FGF14: variants seen among roughly 807,000 people sequenced by gnomAD.
The protein encoded by FGF14 is fibroblast growth factor homologous factor 4.
Under a neutral mutation model 25.5 loss-of-function variants are expected in FGF14, and 5 were observed. That is an observed-to-expected ratio of 0.20 (90% CI 0.10 to 0.41). The LOEUF is 0.41. Ranked by LOEUF, FGF14 falls within the 10% of genes least tolerant of loss-of-function variation. FGF14 has a pLI of 1.00. For missense variants in FGF14, 222 were observed against 320.1 expected (o/e 0.69, Z 2.34); for synonymous variants, 138 against 118.3 (o/e 1.17, Z -1.08).
intron 1 of FGF14, among the ~76,000 whole-genome samples, chr13:102,075,316 T>C (rs1027135150): frequency 6.6e-6 from 1 of 152,164 alleles, no homozygotes; most frequent in Non-Finnish European, 1.5e-5. Context: ...CAATTCTGCT[T>C]ACAATAGCTA....
At chr13:102,276,353 G>GTATATATATATA (rs10574334) in intron 1 of FGF14, among the ~76,000 whole-genome samples, 1 of 103,296 alleles carries the variant, frequency 9.7e-6, no homozygotes, top group African/African-American at 3.8e-5. Flanking sequence ...GTGTGTGTGT[G>GTATATATATATA]TATATATATA....
intron 3 of FGF14, among the ~76,000 whole-genome samples, chr13:101,864,581 C>T (rs1373169778): frequency 3.3e-5 from 5 of 152,002 alleles, no homozygotes; most frequent in Non-Finnish European, 4.4e-5. Context: ...CCAGGTGATT[C>T]GCGTGAGCCC....
At chr13:102,249,549 G>GGTGTGT (rs55773652) in intron 1 of FGF14, among the ~76,000 whole-genome samples, 6,355 of 150,360 alleles carry the variant, frequency 0.042, 396 homozygotes, top group African/African-American at 0.14. Context: ...TACTGAGAGG[G>GGTGTGT]GTGTGTGTGT....
intron 1 of FGF14, among the ~76,000 whole-genome samples, chr13:102,274,989 T>C (rs2053438978): frequency 6.6e-6 from 1 of 152,118 alleles, no homozygotes; most frequent in South Asian, 2.1e-4. Flanking sequence ...AACTCATAAG[T>C]ATCTATAAAA....
chr13:101,887,938 G>C (rs1311441249), intron 1 of FGF14, among the ~76,000 whole-genome samples: 1 of 152,188 alleles, frequency 6.6e-6, no homozygotes, highest in East Asian at 1.9e-4. Context: ...TTTTAATCCA[G>C]GTGGTTAGTG....
chr13:101,998,923 T>G (rs2039332056), intron 1 of FGF14, among the ~76,000 whole-genome samples: 1 of 152,194 alleles, frequency 6.6e-6, no homozygotes, highest in Non-Finnish European at 1.5e-5. Context: ...AAACACCCAT[T>G]TTTTTCTTTT....
chr13:101,761,250 G>T (rs2038008243), intron 3 of FGF14, among the ~76,000 whole-genome samples: 1 of 152,084 alleles, frequency 6.6e-6, no homozygotes, highest in African/African-American at 2.4e-5. Flanking sequence ...ATATGCAGGA[G>T]AAAACACAAA....
intron 1 of FGF14, among the ~76,000 whole-genome samples, chr13:102,027,125 A>C (rs1489780813): frequency 6.6e-6 from 1 of 151,996 alleles, no homozygotes; most frequent in Admixed American, 6.6e-5. Context: ...GTTGGATTTA[A>C]AATCAAACTT....
At chr13:102,108,808 A>G (rs1440282306) in intron 1 of FGF14, among the ~76,000 whole-genome samples, 1 of 152,240 alleles carries the variant, frequency 6.6e-6, no homozygotes, top group African/African-American at 2.4e-5. Flanking sequence ...TTTAAAGAAA[A>G]GCCCCTCGTT....
chr13:101,834,363 A>G (rs1368919371), intron 3 of FGF14, among the ~76,000 whole-genome samples: 2 of 152,070 alleles, frequency 1.3e-5, no homozygotes, highest in Admixed American at 1.3e-4. Context: ...GACACATTCC[A>G]AATCAAACCA....
At chr13:102,204,692 A>G (rs2049825733) in intron 1 of FGF14, among the ~76,000 whole-genome samples, 1 of 151,978 alleles carries the variant, frequency 6.6e-6, no homozygotes, top group South Asian at 2.1e-4. Flanking sequence ...GATTACAGGC[A>G]TGCACCACCA....
chr13:102,292,609 A>G (rs2054482307), intron 1 of FGF14: 1 of 152,188 alleles, frequency 6.6e-6, no homozygotes, highest in South Asian at 2.1e-4. Flanking sequence ...GCAATTCCCA[A>G]GTCGAAAGTC....
intron 1 of FGF14, among the ~76,000 whole-genome samples, chr13:101,916,123 TCCAGAG>T (rs2033454677): frequency 6.6e-6 from 1 of 152,150 alleles, no homozygotes; most frequent in Admixed American, 6.5e-5. Flanking sequence ...TGCCCCGCGT[TCCAGAG>T]CCAGTGCCAG....
Position 102,377,485 on chromosome 13 carries a change from T to C in FGF14, c.208+23986A>G, listed in dbSNP as rs370101023. 3.9e-5 allele frequency among the ~76,000 whole-genome samples: 6 copies of C among 152,274 alleles called. No homozygotes were observed. In the South Asian group the frequency reaches 1.2e-3, roughly 32 times the overall value. On this transcript the variant is annotated intron_variant, in intron 1 of 4. Coordinates refer to the FGF14 transcript ENST00000376131. ...TACACATGACTAATATTAGAGTACATACAAGAAAAGCAGGTATCTTAATAT... is the reference window on the plus strand; with the variant it reads ...TACACATGACTAATATTAGAGTACACACAAGAAAAGCAGGTATCTTAATAT...
chr13:102,379,624 C>G (rs558964313), intron 1 of FGF14, among the ~76,000 whole-genome samples: 2 of 151,842 alleles, frequency 1.3e-5, no homozygotes, highest in Non-Finnish European at 2.9e-5. Context: ...GAATGTAACA[C>G]GTGCATATAG....
intron 1 of FGF14, among the ~76,000 whole-genome samples, chr13:102,264,491 C>T (rs1393750089): frequency 6.6e-6 from 1 of 152,076 alleles, no homozygotes; most frequent in East Asian, 1.9e-4. Flanking sequence ...ACACTTAAAG[C>T]ATATTTCTAC....
At chr13:101,745,197 G>A (rs975199815) in intron 3 of FGF14, among the ~76,000 whole-genome samples, 19 of 151,932 alleles carry the variant, frequency 1.3e-4, no homozygotes, top group Non-Finnish European at 2.2e-4. Context: ...ATATATACAC[G>A]TTTTATTTAA....
intron 1 of FGF14, among the ~76,000 whole-genome samples, chr13:102,261,797 T>C (rs1413543199): frequency 6.6e-6 from 1 of 152,208 alleles, no homozygotes; most frequent in African/African-American, 2.4e-5. Context: ...GAAGAAAATA[T>C]TACCCTAAAA....
At chr13:101,772,213 A>G (rs1352125370) in intron 3 of FGF14, among the ~76,000 whole-genome samples, 1 of 152,118 alleles carries the variant, frequency 6.6e-6, no homozygotes, top group Non-Finnish European at 1.5e-5. Context: ...AGACAAAAAT[A>G]AATTCTAGCT....
Sources: allele counts gnomAD v4.1 joint callset (sites outside exome capture counted in the v4.1 genomes callset), GRCh38; gene constraint gnomAD v4.1.1; transcripts MANE v1.5; gene names NCBI Gene and HGNC (gene_info 2026-07-23, HGNC 2026-07-21).